Variants in CC2D2B observed in about 807,000 individuals in gnomAD.
The protein encoded by CC2D2B is coiled-coil and C2 domain containing 2B, also known as protein CC2D2B.
Under a neutral mutation model 161.2 loss-of-function variants are expected in CC2D2B, and 128 were observed. The ratio of observed to expected loss-of-function variants is 0.79; its 90% CI spans 0.69 to 0.92. The LOEUF is 0.92. CC2D2B is among the 40% of genes least tolerant of loss of function. The pLI, the probability that CC2D2B is intolerant of heterozygous loss-of-function variation, is 0.00. For synonymous variants in CC2D2B, 391 were observed against 449.8 expected, an observed-to-expected ratio of 0.87 and a Z score of 1.65; for missense variants, 1,173 against 1,375.1, an observed-to-expected ratio of 0.85 and a Z score of 2.32.
At chr10:96,028,212 C>T (rs539974381) in intron 34 of CC2D2B, among the ~76,000 whole-genome samples, 10 of 151,870 alleles carry the variant, frequency 6.6e-5, no homozygotes, top group African/African-American at 2.2e-4. Flanking sequence ...AGAAAATATT[C>T]GGAAACTACC....
chr10:96,025,071 A>G, intron 33 of CC2D2B, among the ~76,000 whole-genome samples, 160 bp downstream of exon 33: 1 of 148,630 alleles, frequency 6.7e-6, no homozygotes, highest in African/African-American at 2.5e-5. Context: ...TTCTCTGGGA[A>G]GCCAAGGTGG....
chr10:95,921,853 G>C (rs1019456007), intron 2 of CC2D2B, among the ~76,000 whole-genome samples, 163 bp from the exon 3 acceptor site: 1 of 152,048 alleles, frequency 6.6e-6, no homozygotes, highest in Non-Finnish European at 1.5e-5. Context: ...TGTAAATGAC[G>C]AGTTGATGGG....
Position 95,985,477 on chromosome 10 carries a change from A to G in CC2D2B, c.2286+1668A>G, listed in dbSNP as rs141140300. Among the ~76,000 whole-genome samples, 1,111 of 152,296 alleles carry G rather than the reference A, an allele frequency of 7.3e-3. 13 individuals carry two copies. The highest frequency in any genetic ancestry group is 0.024 in the African/African-American group (1,001 of 41,550). ...CATAAATTGTGAAGATTTCATGGAC[A>G]CTTATCACTTCCCCAATCAATATTC... On this transcript the variant is annotated intron_variant, in intron 19 of 34. Coordinates refer to ENST00000646931, the MANE Select transcript of CC2D2B (RefSeq NM_001349008.3).
intron 29 of CC2D2B, among the ~76,000 whole-genome samples, chr10:96,015,234 T>TTTTTTTC (rs2079143868): frequency 6.9e-6 from 1 of 145,524 alleles, no homozygotes; most frequent in Non-Finnish European, 1.5e-5. Flanking sequence ...CCAGCTAATT[T>TTTTTTTC]TTTTTTTTTT....
At chr10:95,971,440 T>C (rs902344314) in intron 15 of CC2D2B, among the ~76,000 whole-genome samples, 3 of 150,962 alleles carry the variant, frequency 2.0e-5, no homozygotes, top group East Asian at 1.9e-4. Context: ...AGTAAACTTA[T>C]ATGGAATTGT....
intron 9 of CC2D2B, among the ~76,000 whole-genome samples, chr10:95,947,086 T>A (rs1235334700): frequency 0.069 from 1,987 of 28,854 alleles, 136 homozygotes; most frequent in African/African-American, 0.16. Flanking sequence ...CTCAAAAATA[T>A]ATATATATAT....
intron 33 of CC2D2B, among the ~76,000 whole-genome samples, chr10:96,026,117 T>C (rs1482849469): frequency 6.6e-6 from 1 of 152,208 alleles, no homozygotes; most frequent in Non-Finnish European, 1.5e-5. Context: ...TAGCCGCTAT[T>C]GAGACCCTCT....
chr10:95,971,932 G>C, intron 15 of CC2D2B, 134 bp from the exon 16 acceptor site: 1 of 439,416 alleles, frequency 2.3e-6, no homozygotes, highest in Non-Finnish European at 3.7e-6. Flanking sequence ...ATAATCATGT[G>C]GATGAAATGC....
In CC2D2B at chr10:96,033,433, A is replaced by G. The variant is rs1469941865; in HGVS notation, c.*1425A>G. Among the ~76,000 whole-genome samples, 1 of 152,162 alleles carries G rather than the reference A, an allele frequency of 6.6e-6. No individual in the cohort carries two copies. The highest frequency in any genetic ancestry group is 1.5e-5 in the Non-Finnish European group (1 of 68,016). On this transcript the variant is annotated 3_prime_UTR_variant, in exon 35 of 35. Transcript: ENST00000646931. Reference sequence around the variant, plus strand: ...AAAACTGATCAGAATTTTTACTTTTATTTGAATGTTTTTGTTTAAATTTAA... The same window carrying G: ...AAAACTGATCAGAATTTTTACTTTTGTTTGAATGTTTTTGTTTAAATTTAA...
At position 95,938,114 on chromosome 10, in the gene CC2D2B, G is replaced by C; in HGVS notation, c.460G>C (p.Ala154Pro). Reference sequence around the variant, plus strand: ...TTTGACAGATATACTCAAAGTAAAAGCTGCTGACTATGAAGATGATCAAGA... The same window carrying C: ...TTTGACAGATATACTCAAAGTAAAACCTGCTGACTATGAAGATGATCAAGA... ...FILTDILKVK[A>P]ADYEDDQEQI... Residue 154 changes from alanine (A) to proline (P), a missense_variant, in exon 7 of 35, where the codon GCT becomes CCT. Physicochemically the swap from Ala to Pro is conservative, Grantham distance 27. Around this residue, in one of 3 missense-constraint regions of CC2D2B, gnomAD observed 298 missense variants for 261.2 expected, o/e 1.14. Coordinates refer to ENST00000646931, the MANE Select transcript of CC2D2B (RefSeq NM_001349008.3). 6.5e-7 allele frequency: 1 copy of C among 1,549,922 alleles called. No homozygotes were observed. The highest frequency in any genetic ancestry group is 8.7e-7 in the Non-Finnish European group (1 of 1,145,460).
At chr10:95,971,976 TA>T (rs1564629721) in intron 15 of CC2D2B, 89 bp from the exon 16 acceptor site, 9 of 624,164 alleles carry the variant, frequency 1.4e-5, no homozygotes, top group Non-Finnish European at 1.8e-5. Context: ...TTCTGGTATT[TA>T]AAAAAATATA....
chr10:95,910,547 T>C (rs956177733), intron 1 of CC2D2B, among the ~76,000 whole-genome samples: 12 of 152,280 alleles, frequency 7.9e-5, no homozygotes, highest in African/African-American at 2.9e-4. Context: ...AAGGGGATGG[T>C]GCTAAGCCAA....
Position 96,012,357 on chromosome 10 carries a change from C to T in CC2D2B, c.3218C>T (p.Thr1073Ile), listed in dbSNP as rs955596804. The change falls in exon 27 of 35, where the codon ACA becomes ATA. Residue 1073 changes from threonine (T) to isoleucine (I), a missense_variant. By Grantham distance (89) the Thr-to-Ile change is moderately conservative (BLOSUM62 -1). Transcript: ENST00000646931. Reference sequence around the variant, plus strand: ...ATATCATATGTCACCTGTAATCCAACACTAGATAAGGTAGGTTTTACATTG... The same window carrying T: ...ATATCATATGTCACCTGTAATCCAATACTAGATAAGGTAGGTTTTACATTG... ...PQISYVTCNP[T>I]LDKFLDQTEV... The T allele has an allele frequency of 2.9e-6, 2 of 691,384 alleles. No homozygotes were observed. The highest frequency in any genetic ancestry group is 3.5e-5 in the African/African-American group (2 of 56,356). The allele number at this position is 691,384 out of a possible 1,614,324, so 42.8% of individuals were successfully genotyped here.
intron 33 of CC2D2B, among the ~76,000 whole-genome samples, chr10:96,025,178 TATATATAAAA>T (rs1564684100): frequency 1.9e-4 from 2 of 10,660 alleles, no homozygotes; most frequent in Admixed American, 1.4e-3. Flanking sequence ...TATATATATA[TATATATAAAA>T]AAAAATATAT....
At chr10:95,938,313 G>C in intron 7 of CC2D2B, 124 bp downstream of exon 7, 1 of 695,100 alleles carries the variant, frequency 1.4e-6, no homozygotes, top group South Asian at 2.0e-5. Context: ...TTCTATATTT[G>C]TTTTTCATGA....
At chr10:95,917,597 A>G (rs1046569277) in intron 2 of CC2D2B, among the ~76,000 whole-genome samples, 1 of 152,184 alleles carries the variant, frequency 6.6e-6, no homozygotes, top group Non-Finnish European at 1.5e-5. Context: ...GAGGCCTACA[A>G]ACAACATCTT....
In CC2D2B at chr10:96,018,845, T is replaced by C. The variant is rs12219508; in HGVS notation, c.3631-358T>C. On this transcript the variant is annotated intron_variant, in intron 30 of 34. Coordinates refer to ENST00000646931, the MANE Select transcript of CC2D2B (RefSeq NM_001349008.3). The stretch of plus-strand genomic sequence containing the variant: ...CAGGATCTCACTCTGTCACCCAAGC[T>C]ATAGGGCAGTGGCATTATCACAGCT... 0.033 allele frequency: 5,190 copies of C among 159,636 alleles called. 812 individuals are homozygous for C. In the East Asian group the frequency reaches 0.49, roughly 15 times the overall value. 9.9% of individuals were successfully genotyped at this position (159,636 alleles called of 1,614,324 possible). A position where few individuals can be genotyped will look rare whatever the true frequency, so the allele number is the denominator to read the frequency against.
At chr10:96,024,612 C>T (rs891113526) in intron 32 of CC2D2B, among the ~76,000 whole-genome samples, 5 of 152,252 alleles carry the variant, frequency 3.3e-5, no homozygotes, top group Non-Finnish European at 5.9e-5. Flanking sequence ...TGAATTGGGG[C>T]GCCAGGTCTG....
chr10:95,920,031 A>G (rs2098523773), intron 2 of CC2D2B: 1 of 150,638 alleles, frequency 6.6e-6, no homozygotes, highest in Non-Finnish European at 1.5e-5. Flanking sequence ...GGTGAGTCCT[A>G]CCAAGCCTGG....
Sources: gnomAD v4.1 joint callset for allele counts (sites outside exome capture counted in the v4.1 genomes callset) on GRCh38, gnomAD v4.1.1 for gene constraint, gnomAD v4.1.1 regional missense constraint, MANE v1.5 for transcripts, NCBI Gene and HGNC (gene_info 2026-07-23, HGNC 2026-07-21) for gene names.